The following ASCC3 variants were observed in gnomAD, a reference collection of about 807,000 sequenced individuals.
The protein encoded by ASCC3 is activating signal cointegrator 1 complex subunit 3, also known as ASC-1 complex subunit P200.
ASCC3 carries 158 observed loss-of-function variants against 256.3 expected under a neutral mutation model. The ratio of observed to expected loss-of-function variants is 0.62; its 90% CI spans 0.54 to 0.70. The LOEUF (loss-of-function observed/expected upper bound fraction) is 0.70. Ranked by LOEUF, ASCC3 falls within the 30% of genes least tolerant of loss-of-function variation. The pLI is 0.00. For synonymous variants in ASCC3, 948 were observed against 883.4 expected (o/e 1.07, Z -1.30); for missense variants, 2,259 against 2,626.0 (o/e 0.86, Z 3.05).
At chr6:100,842,217 T>C (rs1772176783) in intron 4 of ASCC3, among the ~76,000 whole-genome samples, 1 of 152,172 alleles carries the variant, frequency 6.6e-6, no homozygotes, top group Admixed American at 6.6e-5. Flanking sequence ...AAAGCACTAA[T>C]GTGAATCTTT....
chr6:100,699,190 T>A (rs960724661), intron 13 of ASCC3, among the ~76,000 whole-genome samples: 3 of 152,192 alleles, frequency 2.0e-5, no homozygotes, highest in Admixed American at 6.5e-5. Flanking sequence ...TCATCTTGAA[T>A]CGTAATGTAA....
chr6:100,863,269 T>C (rs148912590), intron 3 of ASCC3, among the ~76,000 whole-genome samples: 98 of 152,318 alleles, frequency 6.4e-4, no homozygotes, highest in Admixed American at 1.4e-3. Flanking sequence ...TGAGTTCGTA[T>C]ACAATATTGT....
At chr6:100,541,314 A>C (rs566354105) in intron 36 of ASCC3, among the ~76,000 whole-genome samples, 6 of 152,090 alleles carry the variant, frequency 3.9e-5, no homozygotes, top group Non-Finnish European at 8.8e-5. Flanking sequence ...AAAAGACAAA[A>C]ACCTATGAAA....
Position 100,647,359 on chromosome 6 carries a change from G to T in ASCC3, c.3345C>A (p.Val1115=). 2 of 1,613,958 alleles carry T rather than the reference G, an allele frequency of 1.2e-6. No homozygotes were observed. The highest frequency in any genetic ancestry group is 2.2e-5 in the South Asian group (2 of 91,060). ...MTYRLLNLSK[V]IDKRLWGWAS... ...CCCAACCCCAAAGCCTCTTGTCAAT[G>T]ACTTTACTAAGATTCAGGAGCCTGT... The change falls in exon 21 of 42, where the codon GTC becomes GTA. Residue 1115 remains valine, a synonymous_variant. Coordinates refer to ENST00000369162, the MANE Select transcript of ASCC3 (RefSeq NM_006828.4).
At chr6:100,832,240 A>C (rs1771658173) in intron 4 of ASCC3, among the ~76,000 whole-genome samples, 1 of 152,152 alleles carries the variant, frequency 6.6e-6, no homozygotes, top group African/African-American at 2.4e-5. Flanking sequence ...TAACAAAAAG[A>C]CTGCAAGTCT....
intron 33 of ASCC3, among the ~76,000 whole-genome samples, chr6:100,602,791 T>G (rs979943926): frequency 6.6e-6 from 1 of 152,102 alleles, no homozygotes; most frequent in African/African-American, 2.4e-5. Flanking sequence ...GTTTAGTTTC[T>G]TATGTTAAAT....
chr6:100,639,320 T>A (rs943422957), intron 24 of ASCC3, among the ~76,000 whole-genome samples: 1 of 151,004 alleles, frequency 6.6e-6, no homozygotes, highest in Non-Finnish European at 1.5e-5. Context: ...TGGGTGGGAG[T>A]TTTAAAGCAA....
chr6:100,526,324 T>C (rs1018054363), intron 37 of ASCC3, among the ~76,000 whole-genome samples: 4 of 152,178 alleles, frequency 2.6e-5, no homozygotes, highest in African/African-American at 9.7e-5. Context: ...GGTTAAGCAT[T>C]ACTCATTTCC....
At position 100,746,304 on chromosome 6, in the gene ASCC3, C is replaced by G. The variant is rs149511766; in HGVS notation, c.1737+20261G>C. On this transcript the variant is annotated intron_variant, in intron 10 of 41. Coordinates refer to ENST00000369162, the MANE Select transcript of ASCC3 (RefSeq NM_006828.4). ...AATTAAATATATTAATCTAATCTAT[C>G]TTAGAACAAGTTAAATAGTATATGT... Among the ~76,000 whole-genome samples, 624 of 151,886 alleles carry G rather than the reference C, an allele frequency of 4.1e-3. 9 individuals carry two copies. Among genetic ancestry groups the G allele is most frequent in the Non-Finnish European group, 3.7e-3 (249 of 67,942 alleles).
At chr6:100,643,546 T>A (rs1449190992) in intron 23 of ASCC3, among the ~76,000 whole-genome samples, 2 of 152,130 alleles carry the variant, frequency 1.3e-5, no homozygotes, top group Non-Finnish European at 2.9e-5. Flanking sequence ...CTTAAGAACA[T>A]CATAGTGTAC....
At chr6:100,564,723 T>C (rs1770140996) in intron 36 of ASCC3, among the ~76,000 whole-genome samples, 1 of 152,114 alleles carries the variant, frequency 6.6e-6, no homozygotes. Context: ...TGTTGGACTG[T>C]TGAAAGGCTA....
chr6:100,686,141 T>C (rs963909346), intron 13 of ASCC3, among the ~76,000 whole-genome samples: 2 of 152,226 alleles, frequency 1.3e-5, no homozygotes, highest in African/African-American at 4.8e-5. Flanking sequence ...TTTTGTCTTT[T>C]ATGTATACTA....
intron 36 of ASCC3, among the ~76,000 whole-genome samples, chr6:100,585,271 G>C (rs1339138121): frequency 2.6e-5 from 4 of 152,144 alleles, no homozygotes; most frequent in African/African-American, 7.2e-5. Context: ...TGGAGGCTTT[G>C]TTCGTTTCTT....
In ASCC3 at chr6:100,631,113, AAAGT is replaced by A; in HGVS notation, c.4208+11_4208+14del. ...CAATTCAAAGCGTATCTTTTGAGTA[AAAGT>A]AAGAACTTACTTTTTACCAAGTTTT... On this transcript the variant is annotated intron_variant, in intron 26 of 41. Transcript: ENST00000369162. 1 of 1,571,750 alleles carries A rather than the reference AAAGT, an allele frequency of 6.4e-7. No homozygotes were observed. Among genetic ancestry groups the A allele is most frequent in the Non-Finnish European group, 8.7e-7 (1 of 1,143,480 alleles).
chr6:100,876,510 G>C (rs1051477489), intron 1 of ASCC3, among the ~76,000 whole-genome samples: 1 of 152,132 alleles, frequency 6.6e-6, no homozygotes, highest in South Asian at 2.1e-4. Context: ...TAAATGATAA[G>C]GGTTATTAAG....
rs1413254369 is a variant in ASCC3, at chr6:100,512,793, A to G, written c.6201T>C (p.Asp2067=). The part of the protein sequence containing the change: ...SVSTLTADKR[D]DNKWIKLHAD... Reference sequence around the variant, plus strand: ...CATGCAATTTGATCCATTTGTTGTCATCTCGTTTGTCTGCAGTCAGAGTTG... The same window carrying G: ...CATGCAATTTGATCCATTTGTTGTCGTCTCGTTTGTCTGCAGTCAGAGTTG... The change falls in exon 40 of 42, where the codon GAT becomes GAC. Residue 2067 remains aspartate, a synonymous_variant. Coordinates refer to ENST00000369162, the MANE Select transcript of ASCC3 (RefSeq NM_006828.4). 7 of 1,614,120 alleles carry G rather than the reference A, an allele frequency of 4.3e-6. No homozygotes were observed. Among genetic ancestry groups the G allele is most frequent in the Non-Finnish European group, 5.9e-6 (7 of 1,179,990 alleles).
intron 35 of ASCC3, 49 bp from the exon 36 acceptor site, chr6:100,589,817 T>G (rs1771900037): frequency 1.4e-5 from 23 of 1,609,344 alleles, no homozygotes; most frequent in Non-Finnish European, 2.0e-5. Flanking sequence ...GTACATATCT[T>G]TATAAAATTA....
intron 34 of ASCC3, among the ~76,000 whole-genome samples, chr6:100,597,706 C>T (rs1348031545): frequency 6.6e-6 from 1 of 151,268 alleles, no homozygotes; most frequent in Non-Finnish European, 1.5e-5. Flanking sequence ...GGCGTGGTGG[C>T]TTATGCCTGT....
At chr6:100,775,709 C>G (rs1782153487) in intron 8 of ASCC3, among the ~76,000 whole-genome samples, 1 of 151,932 alleles carries the variant, frequency 6.6e-6, no homozygotes, top group African/African-American at 2.4e-5. Flanking sequence ...TTTAAAACAG[C>G]CCACGTTTTA....
Sources: gnomAD v4.1 joint callset for allele counts (sites outside exome capture counted in the v4.1 genomes callset) on GRCh38, gnomAD v4.1.1 for gene constraint, MANE v1.5 for transcripts, NCBI Gene and HGNC (gene_info 2026-07-23, HGNC 2026-07-21) for gene names.